Variants in THADA observed in about 807,000 individuals in gnomAD.
The protein encoded by THADA is THADA armadillo repeat containing.
Under a neutral mutation model 219.8 loss-of-function variants are expected in THADA, and 213 were observed. The observed-to-expected ratio is 0.97, with a 90% CI of 0.87 to 1.09. The LOEUF is 1.09. Among genes scored for constraint, THADA ranks in the 50% least tolerant of loss-of-function variants. The pLI, the probability that THADA is intolerant of heterozygous loss-of-function variation, is 0.00. For missense variants in THADA, 2,956 were observed against 2,311.3 expected (o/e 1.28, Z -5.72); for synonymous variants, 1,018 against 828.9 (o/e 1.23, Z -3.92).
At chr2:43,288,652 C>T (rs988928988) in intron 34 of THADA, among the ~76,000 whole-genome samples, 6 of 152,186 alleles carry the variant, frequency 3.9e-5, no homozygotes, top group Non-Finnish European at 7.3e-5. Flanking sequence ...ATCTTGTTCA[C>T]CACCCAGAAG....
intron 19 of THADA, among the ~76,000 whole-genome samples, chr2:43,551,295 G>A (rs144472556): frequency 0.01 from 1,563 of 152,256 alleles, 31 homozygotes; most frequent in African/African-American, 0.035. Flanking sequence ...TTTAGCACAG[G>A]TTAAGCATCC....
chr2:43,294,269 C>CACTG (rs1378093993), intron 31 of THADA, among the ~76,000 whole-genome samples: 1 of 152,162 alleles, frequency 6.6e-6, no homozygotes, highest in East Asian at 1.9e-4. Context: ...TAAATAAGAT[C>CACTG]ACTGCCCTTA....
chr2:43,447,473 T>A (rs1163957521), intron 26 of THADA, among the ~76,000 whole-genome samples: 1 of 152,124 alleles, frequency 6.6e-6, no homozygotes, highest in Non-Finnish European at 1.5e-5. Context: ...TCTACAAAGA[T>A]CCCCTTTCCC....
chr2:43,363,752 C>T (rs1477458108), intron 29 of THADA, among the ~76,000 whole-genome samples: 1 of 152,104 alleles, frequency 6.6e-6, no homozygotes, highest in Non-Finnish European at 1.5e-5. Context: ...CACACAGTTC[C>T]TGAGGATGAG....
rs200863125 is a variant in THADA at position 43,292,976 on chromosome 2, A to T, written c.4676T>A (p.Leu1559Gln). 3.1e-6 allele frequency: 5 copies of T among 1,614,012 alleles called. No individual in the cohort carries two copies. In the East Asian group the frequency reaches 1.1e-4, roughly 36 times the overall value. ...CTTTTCCAAGAGGGCTTCCAGTGTTAGTGAGCGCACTTCAGGGAAGGCAGA... is the reference window on the plus strand; with the variant it reads ...CTTTTCCAAGAGGGCTTCCAGTGTTTGTGAGCGCACTTCAGGGAAGGCAGA... ...LESAFPEVRS[L>Q]TLEALLEKFL... The change falls in exon 32 of 38, where the codon CTA (leucine) becomes CAA (glutamine). Residue 1559 changes from leucine (L) to glutamine (Q), a missense_variant. Coordinates refer to ENST00000405975, the MANE Select transcript of THADA (RefSeq NM_022065.5).
chr2:43,381,137 A>G (rs1198616976), intron 29 of THADA, among the ~76,000 whole-genome samples: 1 of 151,584 alleles, frequency 6.6e-6, no homozygotes, highest in Non-Finnish European at 1.5e-5. Flanking sequence ...AAAAACAAAC[A>G]AACTGAAAGG....
intron 4 of THADA, among the ~76,000 whole-genome samples, chr2:43,587,930 T>A (rs1241428399): frequency 5.9e-5 from 9 of 152,200 alleles, no homozygotes; most frequent in Admixed American, 5.2e-4. Flanking sequence ...TGGCTTTGTT[T>A]TAAATATAAC....
intron 29 of THADA, among the ~76,000 whole-genome samples, chr2:43,392,324 A>G (rs1032984751): frequency 7.9e-5 from 12 of 152,202 alleles, no homozygotes; most frequent in African/African-American, 2.9e-4. Flanking sequence ...ACAGAAATAT[A>G]TATACATATC....
At position 43,423,014 on chromosome 2, in the gene THADA, C is replaced by G. The variant is rs907083544; in HGVS notation, c.4058+5086G>C. Among the ~76,000 whole-genome samples, 3 of 152,164 alleles carry G rather than the reference C, an allele frequency of 2.0e-5. No homozygotes were observed. In the East Asian group the frequency reaches 5.8e-4, roughly 29 times the overall value. Reference sequence around the variant, plus strand: ...AAATGATGACAACAACGAAAAGAATCTAGAGAATAGGATGACATTCAAGCA... The same window carrying G: ...AAATGATGACAACAACGAAAAGAATGTAGAGAATAGGATGACATTCAAGCA... On this transcript the variant is annotated intron_variant, in intron 28 of 37. Coordinates refer to ENST00000405975, the MANE Select transcript of THADA (RefSeq NM_022065.5).
intron 36 of THADA, among the ~76,000 whole-genome samples, chr2:43,245,172 CTTTT>C (rs200036949): frequency 0.016 from 1,700 of 103,080 alleles, 43 homozygotes; most frequent in African/African-American, 0.023. Flanking sequence ...CTTTCTTCTT[CTTTT>C]TTTTTTTTTT....
chr2:43,366,496 T>C (rs535953983), intron 29 of THADA, among the ~76,000 whole-genome samples: 3 of 152,240 alleles, frequency 2.0e-5, no homozygotes, highest in African/African-American at 7.2e-5. Context: ...AAGCAGAATA[T>C]TTAACTGCTT....
chr2:43,287,086 A>G (rs1405448835), intron 34 of THADA, 25 bp from the exon 35 acceptor site: 1 of 1,594,546 alleles, frequency 6.3e-7, no homozygotes, highest in Non-Finnish European at 8.6e-7. Context: ...TGTACCTATC[A>G]GTAGTTCAGA....
chr2:43,252,901 C>A (rs1031283501), intron 36 of THADA, among the ~76,000 whole-genome samples: 1 of 152,200 alleles, frequency 6.6e-6, no homozygotes, highest in Non-Finnish European at 1.5e-5. Flanking sequence ...TCTGGTAATT[C>A]TTTTCTTCCT....
intron 31 of THADA, among the ~76,000 whole-genome samples, chr2:43,304,090 C>A (rs1676569449): frequency 6.6e-6 from 1 of 152,164 alleles, no homozygotes; most frequent in Non-Finnish European, 1.5e-5. Context: ...CATGGCCCTT[C>A]ATCATAAGTC....
In THADA at chr2:43,287,029, C is replaced by G. The variant is rs747472058; in HGVS notation, c.5043G>C (p.Gln1681His). ...ATGACAAGATGACCAGCTGAACCCA[C>G]TGCTTCAGCTCAGCAGCTATCAATT... is the stretch of plus-strand genomic sequence containing the variant. ...NRELIAAELK[Q>H]WVQLVILSCE... is the part of the protein sequence containing the mutation. The change falls in exon 35 of 38, where the codon CAG (glutamine) becomes CAC (histidine). Residue 1681 changes from glutamine (Q) to histidine (H), a missense_variant. Physicochemically the swap from Gln to His is conservative, Grantham distance 24. Transcript: ENST00000405975. The G allele has an allele frequency of 3.1e-6, 5 of 1,613,856 alleles. No individual in the cohort carries two copies. The East Asian group carries it at 8.9e-5, about 29-fold the overall frequency.
chr2:43,335,970 G>A (rs957133852), intron 30 of THADA, among the ~76,000 whole-genome samples: 3 of 151,836 alleles, frequency 2.0e-5, no homozygotes, highest in South Asian at 2.1e-4. Context: ...GGTGGCGGGC[G>A]CCTGCAGTCC....
chr2:43,278,861 T>G (rs917759159), intron 36 of THADA, among the ~76,000 whole-genome samples: 7 of 152,186 alleles, frequency 4.6e-5, no homozygotes, highest in Admixed American at 4.6e-4. Flanking sequence ...TCTGGCCTCC[T>G]TTTCTCTCAT....
chr2:43,378,028 AG>A (rs1671581698), intron 29 of THADA, among the ~76,000 whole-genome samples: 1 of 152,250 alleles, frequency 6.6e-6, no homozygotes, highest in Non-Finnish European at 1.5e-5. Flanking sequence ...CTGAGGTCAT[AG>A]ATTTTGGAGA....
chr2:43,517,657 C>T (rs1406179103), intron 22 of THADA, among the ~76,000 whole-genome samples: 1 of 152,136 alleles, frequency 6.6e-6, no homozygotes, highest in Non-Finnish European at 1.5e-5. Flanking sequence ...AGTCCCCTCC[C>T]CGCTTCCATG....
Sources: gnomAD v4.1 joint callset for allele counts (sites outside exome capture counted in the v4.1 genomes callset) on GRCh38, gnomAD v4.1.1 for gene constraint, MANE v1.5 for transcripts, NCBI Gene and HGNC (gene_info 2026-07-23, HGNC 2026-07-21) for gene names.